The following CDH23 variants were observed in gnomAD, a reference collection of about 807,000 sequenced individuals.
CDH23 encodes cadherin-23.
In CDH23, 189 loss-of-function variants were observed where a neutral mutation model predicts 317.1. The ratio of observed to expected loss-of-function variants is 0.60; its 90% CI spans 0.53 to 0.67. The LOEUF (loss-of-function observed/expected upper bound fraction) is 0.67. CDH23 is among the 30% of genes least tolerant of loss of function. CDH23 has a pLI of 0.00. For missense variants in CDH23, 4,401 were observed against 4,592.4 expected (o/e 0.96, Z 1.20); for synonymous variants, 1,839 against 1,876.8 (o/e 0.98, Z 0.52).
chr10:71,511,286 G>A (rs1055576154), intron 6 of CDH23, 74 bp downstream of exon 6: 1 of 1,333,208 alleles, frequency 7.5e-7, no homozygotes, highest in African/African-American at 1.4e-5. Context: ...TGTAGGTGAA[G>A]AGTCAGGTGG....
chr10:71,730,056 G>A (rs1348157276), intron 30 of CDH23, among the ~76,000 whole-genome samples: 3 of 152,014 alleles, frequency 2.0e-5, no homozygotes, highest in Non-Finnish European at 4.4e-5. Flanking sequence ...GGATGGTCTC[G>A]ATCTTCTGAC....
intron 38 of CDH23, among the ~76,000 whole-genome samples, chr10:71,776,491 T>C (rs779876986): frequency 2.6e-5 from 4 of 152,212 alleles, no homozygotes; most frequent in Non-Finnish European, 5.9e-5. Flanking sequence ...TATTAGTCAC[T>C]CATTATGATT....
chr10:71,792,123 C>T (rs1212691484), intron 47 of CDH23, among the ~76,000 whole-genome samples: 1 of 152,134 alleles, frequency 6.6e-6, no homozygotes. Flanking sequence ...AGCCCAGAAA[C>T]AGATACTGGT....
chr10:71,547,455 G>A (rs746202434), intron 6 of CDH23, among the ~76,000 whole-genome samples: 19 of 152,256 alleles, frequency 1.2e-4, no homozygotes, highest in East Asian at 3.9e-4. Flanking sequence ...GCCAGGCAGC[G>A]CAGGTGTGGA....
At chr10:71,628,548 G>C (rs1317021077) in intron 11 of CDH23, among the ~76,000 whole-genome samples, 2 of 152,128 alleles carry the variant, frequency 1.3e-5, no homozygotes, top group African/African-American at 2.4e-5. Context: ...GCCCATGCTG[G>C]AGTGCAGTGG....
rs566537139 is a variant in CDH23, at chr10:71,641,170, G to A, written c.1135-2691G>A. Reference sequence around the variant, plus strand: ...GTGCCTCCAAGCTACTCTCCCTGCCGCAGTGATGTCTTCCCAACCCTGGCT... The same window carrying A: ...GTGCCTCCAAGCTACTCTCCCTGCCACAGTGATGTCTTCCCAACCCTGGCT... On this transcript the variant is annotated intron_variant, in intron 11 of 69. Transcript: ENST00000224721. 1.3e-3 allele frequency among the ~76,000 whole-genome samples: 195 copies of A among 152,238 alleles called. 1 individual carries two copies. The highest frequency in any genetic ancestry group is 4.5e-3 in the African/African-American group (187 of 41,548).
At chr10:71,613,779 C>T (rs993283288) in intron 9 of CDH23, among the ~76,000 whole-genome samples, 1 of 152,226 alleles carries the variant, frequency 6.6e-6, no homozygotes, top group Non-Finnish European at 1.5e-5. Context: ...GCCACTTCCA[C>T]GGTGATTCTG....
At position 71,566,813 on chromosome 10, in the gene CDH23, C is replaced by T. The variant is rs762996747; in HGVS notation, c.501C>T (p.Val167=). The T allele has an allele frequency of 1.8e-5, 29 of 1,613,982 alleles. No individual in the cohort carries two copies. The East Asian group carries it at 5.3e-4, about 30-fold the overall frequency. Residue 167 remains valine, a synonymous_variant, in exon 7 of 70, where the codon GTC becomes GTT. Coordinates refer to ENST00000224721, the MANE Select transcript of CDH23 (RefSeq NM_022124.6). The part of the protein sequence containing the change: ...TDPDLGAGGS[V]LYSFQPPSQF... ...CCGACTTGGGGGCAGGGGGCAGCGT[C>T]CTCTACTCCTTCCAGCCCCCCTCCC...
At chr10:71,467,107 G>T (rs1342022470) in intron 3 of CDH23, among the ~76,000 whole-genome samples, 1 of 152,162 alleles carries the variant, frequency 6.6e-6, no homozygotes, top group East Asian at 1.9e-4. Context: ...GCTGCAAGGA[G>T]GGGCTGGGCA....
At chr10:71,760,928 T>C (rs200269030) in intron 38 of CDH23, 223 of 1,613,736 alleles carry the variant, frequency 1.4e-4, no homozygotes, top group Middle Eastern at 3.3e-4. Context: ...TCTTTGCCTG[T>C]GGGAACAAAC....
chr10:71,618,842 C>CGTGT (rs59138071), intron 11 of CDH23, among the ~76,000 whole-genome samples: 1 of 151,520 alleles, frequency 6.6e-6, no homozygotes, highest in Admixed American at 6.6e-5. Flanking sequence ...TGTGTGCACA[C>CGTGT]GTGTGTGTGT....
At chr10:71,572,600 C>A (rs1295422401) in intron 8 of CDH23, among the ~76,000 whole-genome samples, 1 of 152,184 alleles carries the variant, frequency 6.6e-6, no homozygotes, top group Non-Finnish European at 1.5e-5. Flanking sequence ...ACCCTCTCCG[C>A]CCCTGTGCCT....
intron 1 of CDH23, among the ~76,000 whole-genome samples, chr10:71,433,274 C>G (rs890971056): frequency 2.6e-5 from 4 of 152,204 alleles, no homozygotes; most frequent in Admixed American, 2.6e-4. Context: ...AGCCAGTCCC[C>G]TTTTGGGTAT....
chr10:71,734,745 C>T, intron 34 of CDH23, 87 bp downstream of exon 34: 1 of 864,302 alleles, frequency 1.2e-6, no homozygotes, highest in South Asian at 1.3e-5. Flanking sequence ...ACCTTCCCAC[C>T]TCTCCCAGAG....
Position 71,738,495 on chromosome 10 carries a change from C to T in CDH23, c.4210-3C>T. On this transcript the variant is annotated splice_polypyrimidine_tract_variant and splice_region_variant and intron_variant, in intron 34 of 69. Transcript: ENST00000224721. ...GTAGGTCTCTGACCACGTTCACCCTCAGGTCTACATCACTGTGCTGGACGA... is the reference window on the plus strand; with the variant it reads ...GTAGGTCTCTGACCACGTTCACCCTTAGGTCTACATCACTGTGCTGGACGA... The T allele has an allele frequency of 3.7e-6, 6 of 1,613,976 alleles. No homozygotes were observed. Among genetic ancestry groups the T allele is most frequent in the Non-Finnish European group, 5.1e-6 (6 of 1,179,898 alleles).
chr10:71,615,702 G>C (rs1861146204), intron 10 of CDH23, 86 bp downstream of exon 10: 1 of 930,984 alleles, frequency 1.1e-6, no homozygotes, highest in East Asian at 2.6e-5. Context: ...GAGGGCTCCT[G>C]CCCCCGGTGG....
chr10:71,781,219 A>G (rs1229436892), intron 41 of CDH23, among the ~76,000 whole-genome samples: 2 of 152,134 alleles, frequency 1.3e-5, no homozygotes, highest in Non-Finnish European at 2.9e-5. Flanking sequence ...AGGCTGGGGG[A>G]AAAAACAACA....
intron 22 of CDH23, among the ~76,000 whole-genome samples, chr10:71,696,799 G>T (rs372458297): frequency 6.6e-6 from 1 of 152,170 alleles, no homozygotes; most frequent in African/African-American, 2.4e-5. Flanking sequence ...TCAAAGCCCC[G>T]TAGAGGAATT....
At chr10:71,546,504 C>T (rs1055985074) in intron 6 of CDH23, among the ~76,000 whole-genome samples, 20 of 152,134 alleles carry the variant, frequency 1.3e-4, no homozygotes, top group African/African-American at 4.8e-4. Context: ...GAAGGGGCAC[C>T]CAACCCAGGT....
Sources: allele counts gnomAD v4.1 joint callset (sites outside exome capture counted in the v4.1 genomes callset), GRCh38; gene constraint gnomAD v4.1.1; transcripts MANE v1.5; gene names NCBI Gene and HGNC (gene_info 2026-07-23, HGNC 2026-07-21).